Variants in ANKRD36C observed in about 807,000 individuals in gnomAD.
ANKRD36C encodes ankyrin repeat domain-containing protein 36C.
In ANKRD36C, 61 loss-of-function variants were observed where a neutral mutation model predicts 276.4. That is an observed-to-expected ratio of 0.22 (90% CI 0.18 to 0.27). The LOEUF is 0.27. ANKRD36C is among the 10% of genes least tolerant of loss of function. The pLI is 1.00. For missense variants in ANKRD36C, 1,447 were observed against 2,032.3 expected, an observed-to-expected ratio of 0.71 and a Z score of 5.54; for synonymous variants, 483 against 680.1, an observed-to-expected ratio of 0.71 and a Z score of 4.51.
chr2:95,912,893 C>T (rs1056948780), intron 40 of ANKRD36C, among the ~76,000 whole-genome samples: 1 of 151,394 alleles, frequency 6.6e-6, no homozygotes, highest in African/African-American at 2.4e-5. Context: ...CGAGAAGGCA[C>T]ACAATTACGA....
chr2:95,857,836 C>G (rs1467737869), intron 61 of ANKRD36C, among the ~76,000 whole-genome samples: 1 of 145,342 alleles, frequency 6.9e-6, no homozygotes, highest in Non-Finnish European at 1.5e-5. Flanking sequence ...AGGGGATATT[C>G]AGCTGAGACC....
chr2:95,881,696 A>T (rs1350244656), intron 56 of ANKRD36C, among the ~76,000 whole-genome samples: 1 of 152,060 alleles, frequency 6.6e-6, no homozygotes, highest in Non-Finnish European at 1.5e-5. Context: ...TAGTCATTGG[A>T]GCAGCCAGAA....
chr2:95,903,234 C>T (rs567617675), intron 42 of ANKRD36C, among the ~76,000 whole-genome samples, 153 bp from the exon 53 acceptor site: 32 of 150,566 alleles, frequency 2.1e-4, no homozygotes, highest in South Asian at 6.3e-4. Flanking sequence ...TAGAACATGA[C>T]GGAAATATGC....
intron 28 of ANKRD36C, among the ~76,000 whole-genome samples, chr2:95,926,762 A>G (rs1044998192): frequency 3.3e-5 from 5 of 151,502 alleles, no homozygotes; most frequent in Non-Finnish European, 7.4e-5. Context: ...CTGCCTGACA[A>G]TCCTCTTCCT....
At chr2:95,855,335 C>G in exon 63 of ANKRD36C, 1 of 1,610,790 alleles carries the variant, frequency 6.2e-7, no homozygotes, top group Non-Finnish European at 8.5e-7. Flanking sequence ...CATTCACCAA[C>G]ATTTTATTGT....
At chr2:95,963,970 T>C (rs1278652395) in intron 6 of ANKRD36C, among the ~76,000 whole-genome samples, 2 of 49,238 alleles carry the variant, frequency 4.1e-5, no homozygotes, top group Admixed American at 3.2e-4. Flanking sequence ...TATATATATA[T>C]AAATATATAT....
chr2:95,969,437 C>T (rs1266395689), intron 6 of ANKRD36C, among the ~76,000 whole-genome samples: 1 of 152,150 alleles, frequency 6.6e-6, no homozygotes, highest in Non-Finnish European at 1.5e-5. Context: ...GATGTATACA[C>T]ATCATAATGT....
intron 44 of ANKRD36C, among the ~76,000 whole-genome samples, chr2:95,896,876 C>T (rs568975430): frequency 4.7e-5 from 7 of 149,542 alleles, no homozygotes; most frequent in South Asian, 2.1e-4. Flanking sequence ...ACAGTGTCTA[C>T]GGGTTGTTAC....
At chr2:95,856,727 A>G (rs1675421106) in intron 62 of ANKRD36C, among the ~76,000 whole-genome samples, 1 of 152,208 alleles carries the variant, frequency 6.6e-6, no homozygotes, top group Non-Finnish European at 1.5e-5. Flanking sequence ...TATACTAAGC[A>G]CTTTTACACG....
At chr2:95,942,892 C>T (rs1464818124) in intron 19 of ANKRD36C, among the ~76,000 whole-genome samples, 153 of 139,888 alleles carry the variant, frequency 1.1e-3, no homozygotes, top group East Asian at 3.6e-3. Context: ...TACAAAATGT[C>T]CCAACTGTAG....
chr2:95,856,704 TAA>T (rs1675420286), intron 62 of ANKRD36C, among the ~76,000 whole-genome samples: 1 of 152,188 alleles, frequency 6.6e-6, no homozygotes, highest in East Asian at 1.9e-4. Context: ...TGATAAATGA[TAA>T]GTCTAGGCAT....
chr2:95,866,855 G>A (rs1261225549), intron 60 of ANKRD36C, among the ~76,000 whole-genome samples: 3 of 152,148 alleles, frequency 2.0e-5, no homozygotes, highest in Non-Finnish European at 2.9e-5. Context: ...CCTTTTACAT[G>A]TGTGCACTGT....
In ANKRD36C at chr2:95,852,112, G is replaced by T. The variant is rs149229188; in HGVS notation, c.5219+14C>A. 6,526 of 1,603,308 alleles carry T rather than the reference G, an allele frequency of 4.1e-3. 233 individuals are homozygous for T. In the African/African-American group the frequency reaches 0.077, roughly 19 times the overall value. ...AAATACTCAAGTTATTTTGTGTGCT[G>T]CTTCAAATTTTACTTTTGTGCGTCG... On this transcript the variant is annotated intron_variant, in intron 65 of 66. Coordinates refer to ENST00000456556, the Ensembl canonical transcript of ANKRD36C.
At chr2:95,967,648 G>GGTGT (rs751581051) in intron 6 of ANKRD36C, among the ~76,000 whole-genome samples, 3 of 151,160 alleles carry the variant, frequency 2.0e-5, no homozygotes, top group Non-Finnish European at 2.9e-5. Flanking sequence ...GCATATACTC[G>GGTGT]GTGTGTGTGT....
downstream of ANKRD36C, among the ~76,000 whole-genome samples, chr2:95,850,795 G>A (rs1188826188): frequency 6.6e-6 from 1 of 152,224 alleles, no homozygotes; most frequent in Non-Finnish European, 1.5e-5. Flanking sequence ...CGAGTGTGGG[G>A]TCTGTTAGCC....
At chr2:95,851,237 A>T in intron 66 of ANKRD36C, 42 bp from the exon 87 acceptor site, 1 of 1,353,408 alleles carries the variant, frequency 7.4e-7, no homozygotes, top group Non-Finnish European at 1.0e-6. Flanking sequence ...TCAGTCAAAC[A>T]AGAGACATTA....
chr2:95,952,917 C>T (rs1351862929), intron 14 of ANKRD36C, among the ~76,000 whole-genome samples: 1 of 152,038 alleles, frequency 6.6e-6, no homozygotes, highest in Non-Finnish European at 1.5e-5. Context: ...TTTCAAGTGC[C>T]TCATAGTAAT....
At chr2:95,888,727 CT>C (rs1328732612) in intron 48 of ANKRD36C, among the ~76,000 whole-genome samples, 1 of 151,648 alleles carries the variant, frequency 6.6e-6, no homozygotes, top group African/African-American at 2.4e-5. Flanking sequence ...GCCTAAGTTT[CT>C]TGTATCCACT....
intron 36 of ANKRD36C, among the ~76,000 whole-genome samples, chr2:95,916,772 C>T (rs1183615950): frequency 6.6e-6 from 1 of 151,588 alleles, no homozygotes; most frequent in East Asian, 2.0e-4. Context: ...TAATAATTTG[C>T]CTAAGTTTCT....
Sources: gnomAD v4.1 joint callset for allele counts (sites outside exome capture counted in the v4.1 genomes callset) on GRCh38, gnomAD v4.1.1 for gene constraint, MANE v1.5 for transcripts, NCBI Gene and HGNC (gene_info 2026-07-23, HGNC 2026-07-21) for gene names.